MAML3: variants seen among roughly 807,000 people sequenced by gnomAD.
MAML3 encodes the protein mastermind-like protein 3.
MAML3 carries 27 observed loss-of-function variants against 101.9 expected under a neutral mutation model. The ratio of observed to expected loss-of-function variants is 0.27; its 90% CI spans 0.20 to 0.37. The LOEUF (loss-of-function observed/expected upper bound fraction) is 0.37. Among genes scored for constraint, MAML3 ranks in the 10% least tolerant of loss-of-function variants. The pLI is 1.00. For missense variants in MAML3, 1,316 were observed against 1,444.9 expected (o/e 0.91, Z 1.45); for synonymous variants, 501 against 555.9 (o/e 0.90, Z 1.39).
At chr4:140,060,237 G>A (rs1314376905) in intron 1 of MAML3, among the ~76,000 whole-genome samples, 1 of 151,370 alleles carries the variant, frequency 6.6e-6, no homozygotes, top group African/African-American at 2.4e-5. Context: ...GTGGTGGCGG[G>A]TGCCTGTAAT....
chr4:140,043,177 C>T (rs2110911288), intron 1 of MAML3, among the ~76,000 whole-genome samples: 1 of 152,242 alleles, frequency 6.6e-6, no homozygotes, highest in East Asian at 1.9e-4. Flanking sequence ...CTCCCTTTCC[C>T]TCTGCTTCTC....
intron 2 of MAML3, among the ~76,000 whole-genome samples, chr4:139,786,544 G>A (rs375419397): frequency 1.3e-5 from 2 of 152,188 alleles, no homozygotes; most frequent in East Asian, 1.9e-4. Context: ...CTTCTTGTGC[G>A]TAAGGCAGAA....
chr4:139,864,923 CTTTTTTTTTT>C (rs56361332), intron 2 of MAML3, among the ~76,000 whole-genome samples: 23 of 62,468 alleles, frequency 3.7e-4, no homozygotes, highest in African/African-American at 7.6e-4. Context: ...TGCAAACTTG[CTTTTTTTTTT>C]TTTTTTTTTT....
At chr4:139,788,696 A>C (rs953367311) in intron 2 of MAML3, among the ~76,000 whole-genome samples, 8 of 152,236 alleles carry the variant, frequency 5.3e-5, no homozygotes, top group African/African-American at 1.9e-4. Flanking sequence ...GATACAGTGA[A>C]ATTTTGAATA....
At chr4:139,836,908 A>G (rs1055181455) in intron 2 of MAML3, among the ~76,000 whole-genome samples, 4 of 151,024 alleles carry the variant, frequency 2.6e-5, no homozygotes, top group Admixed American at 6.6e-5. Context: ...AGATCACCTG[A>G]GGTTGGGAGT....
chr4:140,136,539 C>CA (rs1728885875), intron 1 of MAML3, among the ~76,000 whole-genome samples: 1 of 152,196 alleles, frequency 6.6e-6, no homozygotes, highest in South Asian at 2.1e-4. Flanking sequence ...TATACTTTGT[C>CA]AAGTTTTCTT....
chr4:139,825,765 GAA>G (rs10572822), intron 2 of MAML3, among the ~76,000 whole-genome samples: 57,711 of 145,282 alleles, frequency 0.4, 11,423 homozygotes, highest in Admixed American at 0.47. Context: ...AGAGAAGAAG[GAA>G]AAAAAAAAAA....
intron 1 of MAML3, among the ~76,000 whole-genome samples, chr4:140,102,214 A>G (rs141723538): frequency 5.7e-4 from 87 of 152,310 alleles, no homozygotes; most frequent in Non-Finnish European, 1.1e-3. Context: ...TATGTTGTTT[A>G]TTCTCATATA....
chr4:140,107,810 A>C (rs1324042429), intron 1 of MAML3, among the ~76,000 whole-genome samples: 2 of 152,020 alleles, frequency 1.3e-5, no homozygotes, highest in African/African-American at 4.8e-5. Flanking sequence ...CGACCAAAAA[A>C]ATGCTTCTTT....
chr4:140,086,061 C>A (rs1215327123), intron 1 of MAML3, among the ~76,000 whole-genome samples: 2 of 152,196 alleles, frequency 1.3e-5, no homozygotes, highest in African/African-American at 4.8e-5. Flanking sequence ...TTCTTGGATT[C>A]AGCACAAGTC....
At chr4:139,885,566 A>G (rs942915184) in intron 2 of MAML3, among the ~76,000 whole-genome samples, 1 of 151,976 alleles carries the variant, frequency 6.6e-6, no homozygotes, top group South Asian at 2.1e-4. Flanking sequence ...GGTAAGAAGA[A>G]AATTAGAGAC....
At chr4:139,862,303 C>T (rs971524542) in intron 2 of MAML3, among the ~76,000 whole-genome samples, 1 of 152,200 alleles carries the variant, frequency 6.6e-6, no homozygotes, top group African/African-American at 2.4e-5. Flanking sequence ...TGTATTTTGA[C>T]ATTTTTTTAA....
intron 2 of MAML3, among the ~76,000 whole-genome samples, chr4:139,732,068 C>T (rs988011639): frequency 3.3e-5 from 5 of 152,206 alleles, no homozygotes. Flanking sequence ...AGGACATTCA[C>T]AGTCATTTTG....
At chr4:139,759,224 A>C (rs1247573088) in intron 2 of MAML3, among the ~76,000 whole-genome samples, 1 of 152,236 alleles carries the variant, frequency 6.6e-6, no homozygotes, top group Non-Finnish European at 1.5e-5. Flanking sequence ...ACAGAAAGAG[A>C]AGAGCCGCAG....
At chr4:139,776,917 T>G (rs560453448) in intron 2 of MAML3, among the ~76,000 whole-genome samples, 1 of 152,130 alleles carries the variant, frequency 6.6e-6, no homozygotes, top group East Asian at 1.9e-4. Flanking sequence ...AGGGCAGCAA[T>G]AGCCATAATT....
chr4:140,092,218 C>G (rs1020311692), intron 1 of MAML3, among the ~76,000 whole-genome samples: 1 of 151,542 alleles, frequency 6.6e-6, no homozygotes, highest in Non-Finnish European at 1.5e-5. Flanking sequence ...ATGCAGACAC[C>G]GAAACCTTGC....
chr4:139,755,958 C>G (rs771796012), intron 2 of MAML3, among the ~76,000 whole-genome samples: 2 of 152,218 alleles, frequency 1.3e-5, no homozygotes, highest in Non-Finnish European at 1.5e-5. Flanking sequence ...ATTTCTAGCT[C>G]TGCAGGACTT....
chr4:139,900,179 A>G (rs1732689194), intron 1 of MAML3, among the ~76,000 whole-genome samples: 1 of 152,222 alleles, frequency 6.6e-6, no homozygotes, highest in Non-Finnish European at 1.5e-5. Context: ...CTATTCCCAA[A>G]AAGTCTTGGA....
intron 1 of MAML3, among the ~76,000 whole-genome samples, chr4:140,040,121 G>T (rs1452496732): frequency 6.6e-6 from 1 of 152,158 alleles, no homozygotes; most frequent in Admixed American, 6.6e-5. Flanking sequence ...TCCTTTATAG[G>T]TATTTACTTA....
Sources: allele counts gnomAD v4.1 joint callset (sites outside exome capture counted in the v4.1 genomes callset), GRCh38; gene constraint gnomAD v4.1.1; transcripts MANE v1.5; gene names NCBI Gene and HGNC (gene_info 2026-07-23, HGNC 2026-07-21).